Variants in PFKFB3 observed in about 807,000 individuals in gnomAD.
PFKFB3 encodes 6-phosphofructo-2-kinase/fructose-2,6-biphosphatase 3.
PFKFB3 carries 33 observed loss-of-function variants against 68.0 expected under a neutral mutation model. The observed-to-expected ratio is 0.49, with a 90% CI of 0.37 to 0.65. The LOEUF is 0.65. Ranked by LOEUF, PFKFB3 falls within the 30% of genes least tolerant of loss-of-function variation. PFKFB3 has a pLI of 0.00. For synonymous variants in PFKFB3, 315 were observed against 288.2 expected, an observed-to-expected ratio of 1.09 and a Z score of -0.94; for missense variants, 586 against 712.2, an observed-to-expected ratio of 0.82 and a Z score of 2.02.
chr10:6,197,233 T>A (rs986983762), intron 1 of PFKFB3, among the ~76,000 whole-genome samples: 1 of 152,106 alleles, frequency 6.6e-6, no homozygotes, highest in African/African-American at 2.4e-5. Context: ...CACCTCGGCT[T>A]CTCAAAGTTC....
intron 14 of PFKFB3, among the ~76,000 whole-genome samples, chr10:6,244,852 G>C (rs1010924862): frequency 6.6e-6 from 1 of 152,140 alleles, no homozygotes; most frequent in Admixed American, 6.5e-5. Context: ...TTAATGGCCC[G>C]AGATTGTGCT....
At chr10:6,208,371 CTTTTTTTTTT>C (rs35447462) in intron 1 of PFKFB3, among the ~76,000 whole-genome samples, 3 of 60,624 alleles carry the variant, frequency 4.9e-5, no homozygotes, top group East Asian at 6.8e-4. Context: ...GGTACCTGGC[CTTTTTTTTTT>C]TTTTTTTTTT....
At chr10:6,322,891 A>G in the PFKFB3 span, among the ~76,000 whole-genome samples, 5 of 152,018 alleles carry the variant, frequency 3.3e-5, no homozygotes, top group African/African-American at 4.8e-5. Flanking sequence ...TAGTTATTTT[A>G]TTTACTTGTT....
intron 5 of PFKFB3, 54 bp downstream of exon 5, chr10:6,216,834 T>G: frequency 7.8e-7 from 1 of 1,281,938 alleles, no homozygotes; most frequent in Non-Finnish European, 1.1e-6. Flanking sequence ...GGAAAAGGCT[T>G]CAGGAAGCGG....
intron 14 of PFKFB3, among the ~76,000 whole-genome samples, chr10:6,247,411 TGTAGG>T (rs1205530244): frequency 6.6e-6 from 1 of 152,220 alleles, no homozygotes; most frequent in African/African-American, 2.4e-5. Flanking sequence ...CCTTCTAAAA[TGTAGG>T]CCTGCAAAAA....
intron 1 of PFKFB3, among the ~76,000 whole-genome samples, chr10:6,210,356 G>GTTTTTTTTTTT (rs762723368): frequency 6.7e-5 from 3 of 44,476 alleles, no homozygotes; most frequent in African/African-American, 9.3e-5. Context: ...GTTTTTTTTT[G>GTTTTTTTTTTT]TTTTTTTGTT....
Position 6,233,012 on chromosome 10 carries a change from C to CA in PFKFB3, c.*74dup. 1.6e-6 allele frequency: 2 copies of CA among 1,227,212 alleles called. No homozygotes were observed. Among genetic ancestry groups the CA allele is most frequent in the Non-Finnish European group, 2.4e-6 (2 of 828,180 alleles). The allele number at this position is 1,227,212 out of a possible 1,614,324, so 76.0% of individuals were successfully genotyped here. ...CTTGTGTCCTGCCCTCCGCCCGAGG[C>CA]AAAACGTATCCTGAGGACTTCTTCC... is the stretch of plus-strand genomic sequence containing the variant. On this transcript the variant is annotated 3_prime_UTR_variant, in exon 15 of 15. Transcript: ENST00000379775.
intron 1 of PFKFB3, 138 bp from the exon 2 acceptor site, chr10:6,213,485 C>T (rs935728209): frequency 3.3e-5 from 32 of 976,766 alleles, no homozygotes; most frequent in Non-Finnish European, 4.9e-5. Flanking sequence ...CCACCGTGCT[C>T]CCGCCTGGGC....
At chr10:6,256,163 C>A (rs1846492328), downstream of PFKFB3, among the ~76,000 whole-genome samples, 1 of 152,198 alleles carries the variant, frequency 6.6e-6, no homozygotes, top group African/African-American at 2.4e-5. Context: ...GCCCTTTGAA[C>A]CCACTCTATC....
At chr10:6,206,792 T>C in intron 1 of PFKFB3, among the ~76,000 whole-genome samples, 1 of 95,768 alleles carries the variant, frequency 1.0e-5, no homozygotes, top group Non-Finnish European at 2.1e-5. Flanking sequence ...GGTCCTCACA[T>C]CCCAGACGAT....
chr10:6,232,532 T>G (rs1845810258), intron 14 of PFKFB3, among the ~76,000 whole-genome samples: 1 of 152,214 alleles, frequency 6.6e-6, no homozygotes, highest in Admixed American at 6.5e-5. Flanking sequence ...GGGCTCATCC[T>G]CTGCCTGGCT....
the PFKFB3 span, among the ~76,000 whole-genome samples, chr10:6,319,224 G>A: frequency 6.6e-6 from 1 of 152,152 alleles, no homozygotes; most frequent in East Asian, 1.9e-4. Context: ...TGTTCATTGT[G>A]GCACTATTCA....
rs960299178 is a variant in PFKFB3, at chr10:6,220,283, A to G, written c.624-375A>G. Among the ~76,000 whole-genome samples, 1 of 147,106 alleles carries G rather than the reference A, an allele frequency of 6.8e-6. No homozygotes were observed. Among genetic ancestry groups the G allele is most frequent in the African/African-American group, 2.5e-5 (1 of 39,750 alleles). On this transcript the variant is annotated intron_variant, in intron 7 of 14. Coordinates refer to ENST00000379775, the MANE Select transcript of PFKFB3 (RefSeq NM_004566.4). This position sits in a 1 kb window ranked among gnomAD's most constrained non-coding sequence, Gnocchi z 4.1. ...CGCCCAGCTAATTTTTTTTTTCTTT[A>G]GTAGAGATGAGGTCTTGCTATGTTG...
the PFKFB3 span, among the ~76,000 whole-genome samples, chr10:6,295,591 G>A: frequency 0.025 from 3,817 of 152,020 alleles, 79 homozygotes; most frequent in Non-Finnish European, 0.039. Context: ...TGGTGGTGAG[G>A]TGTGGGGGTT....
chr10:6,242,830 C>G (rs545205204), intron 14 of PFKFB3, among the ~76,000 whole-genome samples: 1 of 152,196 alleles, frequency 6.6e-6, no homozygotes, highest in Admixed American at 6.5e-5. Flanking sequence ...TGAGGTGATC[C>G]GCCCACCTCG....
At chr10:6,203,698 C>T (rs1228143984) in intron 1 of PFKFB3, among the ~76,000 whole-genome samples, 1 of 152,078 alleles carries the variant, frequency 6.6e-6, no homozygotes, top group African/African-American at 2.4e-5. Context: ...AGGGACCCGG[C>T]CGCTCGCGCC....
chr10:6,201,565 G>A (rs1001571122), upstream of PFKFB3, among the ~76,000 whole-genome samples: 2 of 151,450 alleles, frequency 1.3e-5, no homozygotes, highest in African/African-American at 4.8e-5. The surrounding 1 kb of genome is among the most constrained non-coding windows in gnomAD (Gnocchi z 4.1). Context: ...GTGGAGGCCC[G>A]GGTGGGGCGG....
chr10:6,219,645 G>T lies in PFKFB3; in HGVS notation c.575G>T (p.Ser192Ile). 6.2e-7 allele frequency: 1 copy of T among 1,613,944 alleles called. No homozygotes were observed. The highest frequency in any genetic ancestry group is 8.5e-7 in the Non-Finnish European group (1 of 1,179,846). The change falls in exon 7 of 15, where the codon AGT becomes ATT. Residue 192 changes from serine to isoleucine, a missense_variant. Physicochemically the swap from Ser to Ile is moderately radical, Grantham distance 142. Coordinates refer to ENST00000379775, the MANE Select transcript of PFKFB3 (RefSeq NM_004566.4). ...EAMDDFMKRI[S>I]CYEASYQPLD... ...ATGGACGACTTCATGAAGAGGATCA[G>T]TTGCTATGAAGCCAGCTACCAGCCC...
At chr10:6,283,763 AC>A in the PFKFB3 span, among the ~76,000 whole-genome samples, 6 of 152,152 alleles carry the variant, frequency 3.9e-5, no homozygotes, top group Admixed American at 6.5e-5. Context: ...CAATCGTGCA[AC>A]CACGGGTGGA....
Sources: gnomAD v4.1 joint callset for allele counts (sites outside exome capture counted in the v4.1 genomes callset) on GRCh38, gnomAD v4.1.1 for gene constraint, Gnocchi (gnomAD v3.1) non-coding constraint, MANE v1.5 for transcripts, NCBI Gene and HGNC (gene_info 2026-07-23, HGNC 2026-07-21) for gene names.